Variants in MTUS2 observed in about 807,000 individuals in gnomAD.
MTUS2 encodes microtubule associated scaffold protein 2.
A neutral mutation model predicts 114.1 loss-of-function variants in MTUS2; 40 were observed. The observed-to-expected ratio is 0.35, with a 90% CI of 0.27 to 0.46. The LOEUF (loss-of-function observed/expected upper bound fraction) is 0.46, where lower values mean the gene tolerates loss of function less well. MTUS2 is among the 20% of genes least tolerant of loss of function. The pLI is 1.00. For missense variants in MTUS2, 1,679 were observed against 1,705.4 expected, an observed-to-expected ratio of 0.98 and a Z score of 0.27; for synonymous variants, 688 against 672.0, an observed-to-expected ratio of 1.02 and a Z score of -0.37.
intron 15 of MTUS2, 135 bp downstream of exon 15, chr13:29,501,329 C>T: frequency 1.5e-6 from 1 of 671,512 alleles, no homozygotes; most frequent in Non-Finnish European, 2.6e-6. Context: ...ACCTGAAGAA[C>T]AAGAACAAAC....
At chr13:29,498,604 C>A in intron 14 of MTUS2, 67 bp downstream of exon 14, 1 of 1,597,284 alleles carries the variant, frequency 6.3e-7, no homozygotes, top group South Asian at 1.1e-5. Flanking sequence ...CTGATGTCAT[C>A]GTTGATGGTG....
chr13:29,456,836 T>C (rs1473101682), intron 9 of MTUS2, among the ~76,000 whole-genome samples: 3 of 152,082 alleles, frequency 2.0e-5, no homozygotes, highest in African/African-American at 7.2e-5. Flanking sequence ...GGTAAATATG[T>C]GGATAAATAT....
chr13:29,081,127 G>A (rs564268793), intron 4 of MTUS2, among the ~76,000 whole-genome samples: 2 of 152,304 alleles, frequency 1.3e-5, no homozygotes, highest in South Asian at 2.1e-4. Flanking sequence ...ACTGAAAGGA[G>A]ATTGGCTTGG....
intron 1 of MTUS2, among the ~76,000 whole-genome samples, chr13:28,830,199 T>A (rs776784216): frequency 8.5e-5 from 13 of 152,208 alleles, no homozygotes; most frequent in South Asian, 6.2e-4. Flanking sequence ...GAGTGGAATC[T>A]TATTTCTAGG....
At chr13:28,897,625 C>T (rs1381545883) in intron 2 of MTUS2, among the ~76,000 whole-genome samples, 1 of 152,034 alleles carries the variant, frequency 6.6e-6, no homozygotes, top group African/African-American at 2.4e-5. Flanking sequence ...TGGCACTATT[C>T]ACAATAGCAA....
intron 8 of MTUS2, among the ~76,000 whole-genome samples, chr13:29,394,926 C>G (rs1017243824): frequency 5.9e-5 from 9 of 152,142 alleles, no homozygotes; most frequent in African/African-American, 2.2e-4. Flanking sequence ...ACACCCCCCA[C>G]CCGCCTGTCT....
intron 7 of MTUS2, among the ~76,000 whole-genome samples, chr13:29,340,389 C>G (rs1207769798): frequency 6.6e-6 from 1 of 152,194 alleles, no homozygotes; most frequent in Non-Finnish European, 1.5e-5. Flanking sequence ...AAAATGAACA[C>G]AATACACTTG....
At chr13:29,183,246 G>C (rs1248103287) in intron 5 of MTUS2, among the ~76,000 whole-genome samples, 2 of 144,374 alleles carry the variant, frequency 1.4e-5, no homozygotes, top group East Asian at 4.4e-4. Context: ...ATGATTGGAT[G>C]TTGGGGTGAG....
At position 29,024,495 on chromosome 13, in the gene MTUS2, A is replaced by C; in HGVS notation, c.-204A>C. The C allele has an allele frequency of 1.7e-6, 1 of 602,412 alleles. No homozygotes were observed. Among genetic ancestry groups the C allele is most frequent in the Non-Finnish European group, 2.9e-6 (1 of 349,086 alleles). 37.3% of individuals were successfully genotyped at this position (602,412 alleles called of 1,614,324 possible). On this transcript the variant is annotated 5_prime_UTR_variant, in exon 3 of 16. An upstream open reading frame in the 5' UTR loses its in-frame stop. Transcript: ENST00000612955. ...ATTGGCTCTCATTCAGCAGGAACCT[A>C]ACAGATAAGTCTTCCTGCTGTATAT...
At chr13:29,454,725 G>A (rs1362334557) in intron 9 of MTUS2, among the ~76,000 whole-genome samples, 2 of 152,218 alleles carry the variant, frequency 1.3e-5, no homozygotes, top group East Asian at 3.9e-4. Context: ...GTCGTGTGCT[G>A]TATAAATACT....
intron 5 of MTUS2, among the ~76,000 whole-genome samples, chr13:29,166,844 T>C (rs755610214): frequency 3.3e-5 from 5 of 152,212 alleles, no homozygotes; most frequent in Non-Finnish European, 7.3e-5. Flanking sequence ...AAATTAGTTT[T>C]AAAATAAAAT....
chr13:29,414,395 T>G (rs1475436372), intron 8 of MTUS2, among the ~76,000 whole-genome samples: 1,231 of 119,918 alleles, frequency 0.01, 37 homozygotes, highest in African/African-American at 0.038. Context: ...GCATGGCACA[T>G]GTATACATAT....
chr13:28,909,685 C>G (rs950362706), intron 2 of MTUS2, among the ~76,000 whole-genome samples: 1 of 152,120 alleles, frequency 6.6e-6, no homozygotes, highest in African/African-American at 2.4e-5. Context: ...CCAGGGCAAT[C>G]AGGCAGGAGA....
At position 29,033,962 on chromosome 13, in the gene MTUS2, G is replaced by A. The variant is rs1230341703; in HGVS notation, c.2283G>A (p.Arg761=). 6.2e-7 allele frequency: 1 copy of A among 1,613,890 alleles called. No individual in the cohort carries two copies. The highest frequency in any genetic ancestry group is 1.1e-5 in the South Asian group (1 of 91,072). ...ATGAAGTCCCTCCAACTTTCTATCG[G>A]TCAGCCATGCTCCTTAAGCCCCAGC... ...AHYEVPPTFY[R]SAMLLKPQLG... The change falls in exon 4 of 16, where the codon CGG becomes CGA. Residue 761 remains arginine (R), a synonymous_variant. Transcript: ENST00000612955.
At chr13:29,329,167 A>G (rs1414577997) in intron 7 of MTUS2, among the ~76,000 whole-genome samples, 1 of 152,164 alleles carries the variant, frequency 6.6e-6, no homozygotes, top group Non-Finnish European at 1.5e-5. Flanking sequence ...GTTCTGGGAT[A>G]CATGTAGAGG....
In MTUS2 at chr13:29,211,531, C is replaced by G. The variant is rs567057500; in HGVS notation, c.2645-70173C>G. 3.3e-5 allele frequency among the ~76,000 whole-genome samples: 5 copies of G among 152,350 alleles called. No homozygotes were observed. The East Asian group carries it at 7.7e-4, about 24-fold the overall frequency. On this transcript the variant is annotated intron_variant, in intron 5 of 15. Transcript: ENST00000612955. ...CTGGAAGTTTCCTTCTCCCTGTGATCTTTCCCCAGTTCCTCTGGCACCCCT... is the reference window on the plus strand; with the variant it reads ...CTGGAAGTTTCCTTCTCCCTGTGATGTTTCCCCAGTTCCTCTGGCACCCCT...
intron 8 of MTUS2, among the ~76,000 whole-genome samples, chr13:29,427,803 A>G (rs551217137): frequency 6.6e-6 from 1 of 152,212 alleles, no homozygotes; most frequent in African/African-American, 2.4e-5. Context: ...AACATGAGAA[A>G]TTTCAAGATT....
chr13:29,330,633 G>T (rs1276752518), intron 7 of MTUS2, among the ~76,000 whole-genome samples: 1 of 152,086 alleles, frequency 6.6e-6, no homozygotes, highest in Non-Finnish European at 1.5e-5. Flanking sequence ...AAGGGGTCCA[G>T]TTTTCAGTTT....
intron 2 of MTUS2, among the ~76,000 whole-genome samples, chr13:28,906,999 A>G (rs1409289498): frequency 1.3e-5 from 2 of 151,560 alleles, no homozygotes; most frequent in South Asian, 2.1e-4. Context: ...GGGCAGCCAG[A>G]GAGAAAGGTC....
Sources: gnomAD v4.1 joint callset for allele counts (sites outside exome capture counted in the v4.1 genomes callset) on GRCh38, gnomAD v4.1.1 for gene constraint, MANE v1.5 for transcripts, NCBI Gene and HGNC (gene_info 2026-07-23, HGNC 2026-07-21) for gene names.